The following DUSP16 variants were observed in gnomAD, a reference collection of about 807,000 sequenced individuals.
DUSP16 encodes the protein dual specificity protein phosphatase 16.
A neutral mutation model predicts 58.3 loss-of-function variants in DUSP16; 21 were observed. The ratio of observed to expected loss-of-function variants is 0.36; its 90% CI spans 0.26 to 0.52. The LOEUF (loss-of-function observed/expected upper bound fraction) is 0.52. Among genes scored for constraint, DUSP16 ranks in the 20% least tolerant of loss-of-function variants. The pLI, the probability that DUSP16 is intolerant of heterozygous loss-of-function variation, is 0.94. For missense variants in DUSP16, 726 were observed against 819.0 expected (o/e 0.89, Z 1.39); for synonymous variants, 320 against 323.8 (o/e 0.99, Z 0.12).
At chr12:12,523,678 C>T (rs1944265328) in intron 1 of DUSP16, among the ~76,000 whole-genome samples, 1 of 152,132 alleles carries the variant, frequency 6.6e-6, no homozygotes, top group South Asian at 2.1e-4. Context: ...CTAGTCAATC[C>T]ACTAATAAAC....
At chr12:12,558,676 G>A (rs1391124114) in intron 1 of DUSP16, among the ~76,000 whole-genome samples, 1 of 152,026 alleles carries the variant, frequency 6.6e-6, no homozygotes, top group East Asian at 1.9e-4. Flanking sequence ...CACCACGCCT[G>A]GCCTACATTT....
intron 3 of DUSP16, among the ~76,000 whole-genome samples, chr12:12,518,012 A>G (rs1037105394): frequency 8.5e-5 from 13 of 152,218 alleles, no homozygotes; most frequent in Non-Finnish European, 1.8e-4. Context: ...TTCCCAGGTA[A>G]CAAAGGAATG....
At chr12:12,485,786 CTTTTTTTTT>C (rs749939375) in intron 5 of DUSP16, among the ~76,000 whole-genome samples, 26,994 of 108,282 alleles carry the variant, frequency 0.25, 3,199 homozygotes, top group Admixed American at 0.33. Context: ...GCCAATTCCA[CTTTTTTTTT>C]TTTTTTTTTT....
intron 1 of DUSP16, among the ~76,000 whole-genome samples, chr12:12,559,382 A>G (rs920281283): frequency 6.6e-5 from 10 of 152,308 alleles, no homozygotes; most frequent in East Asian, 3.8e-4. Context: ...AATCTGTCAT[A>G]AAATCTGTTT....
intron 1 of DUSP16, among the ~76,000 whole-genome samples, chr12:12,557,601 A>G (rs190602615): frequency 7.2e-5 from 11 of 152,332 alleles, no homozygotes; most frequent in African/African-American, 2.4e-4. Flanking sequence ...CTGCACATGA[A>G]TATTAAAAAG....
intron 1 of DUSP16, among the ~76,000 whole-genome samples, chr12:12,557,713 A>G (rs1944830051): frequency 6.6e-6 from 1 of 152,148 alleles, no homozygotes; most frequent in South Asian, 2.1e-4. Context: ...ACTACCGACC[A>G]CTATTTAACA....
At chr12:12,490,341 AT>A (rs1268654984) in intron 4 of DUSP16, among the ~76,000 whole-genome samples, 8 of 152,178 alleles carry the variant, frequency 5.3e-5, no homozygotes, top group Admixed American at 2.0e-4. Context: ...CTACCTGAAA[AT>A]TTTTTTGGAA....
At chr12:12,510,878 T>C (rs11613385) in intron 3 of DUSP16, among the ~76,000 whole-genome samples, 82,657 of 151,774 alleles carry the variant, frequency 0.54, 22,846 homozygotes, top group East Asian at 0.71. Flanking sequence ...AGGCCCAGGG[T>C]GCATGATGTC....
intron 4 of DUSP16, among the ~76,000 whole-genome samples, chr12:12,491,930 C>G (rs536116161): frequency 6.6e-6 from 1 of 152,186 alleles, no homozygotes; most frequent in South Asian, 2.1e-4. Context: ...TTTTCTCTGT[C>G]CTTCATCCCC....
chr12:12,540,480 G>T (rs923612087), intron 1 of DUSP16, among the ~76,000 whole-genome samples: 12 of 152,182 alleles, frequency 7.9e-5, no homozygotes, highest in African/African-American at 2.9e-4. Flanking sequence ...GGTCTAACTT[G>T]TGCTTCCTTC....
chr12:12,507,669 G>C (rs1287165356), intron 3 of DUSP16, among the ~76,000 whole-genome samples: 2 of 152,288 alleles, frequency 1.3e-5, no homozygotes, highest in Admixed American at 1.3e-4. Flanking sequence ...GAGTGCAATG[G>C]TGCGATCTCC....
chr12:12,494,296 A>G (rs1943799802), intron 4 of DUSP16, among the ~76,000 whole-genome samples: 1 of 152,206 alleles, frequency 6.6e-6, no homozygotes, highest in South Asian at 2.1e-4. Flanking sequence ...TTAATGTTTA[A>G]GGACATGTAC....
chr12:12,541,869 A>C (rs182462484), intron 1 of DUSP16, among the ~76,000 whole-genome samples: 1 of 152,176 alleles, frequency 6.6e-6, no homozygotes, highest in Non-Finnish European at 1.5e-5. Flanking sequence ...TTGTATAAAA[A>C]TGTTCACAGC....
At chr12:12,507,346 T>C (rs1246617834) in intron 3 of DUSP16, among the ~76,000 whole-genome samples, 1 of 152,122 alleles carries the variant, frequency 6.6e-6, no homozygotes, top group Non-Finnish European at 1.5e-5. Flanking sequence ...ACTCATGCCT[T>C]CATTTAAATA....
intron 1 of DUSP16, among the ~76,000 whole-genome samples, chr12:12,543,361 T>C (rs1280390941): frequency 1.3e-5 from 2 of 152,190 alleles, no homozygotes; most frequent in African/African-American, 2.4e-5. Context: ...TATATAAATA[T>C]GAAGAGAGAG....
At chr12:12,478,903 A>C (rs1943510296) in intron 6 of DUSP16, among the ~76,000 whole-genome samples, 1 of 152,244 alleles carries the variant, frequency 6.6e-6, no homozygotes, top group Admixed American at 6.5e-5. Flanking sequence ...CTGTGTGCTA[A>C]GCACTGTGCT....
intron 4 of DUSP16, among the ~76,000 whole-genome samples, chr12:12,499,699 A>G (rs891649816): frequency 6.6e-6 from 1 of 152,186 alleles, no homozygotes; most frequent in African/African-American, 2.4e-5. Flanking sequence ...TAAATCACCA[A>G]TAGTTGAATT....
chr12:12,521,111 T>C lies in DUSP16; in HGVS notation c.-13A>G, dbSNP rs543790502. The stretch of plus-strand genomic sequence containing the variant: ...TCTCATGGGCCATGACAACAATAAG[T>C]CCTCTTTTCCCACCTCCTTCTTTAA... On this transcript the variant is annotated 5_prime_UTR_variant, in exon 2 of 7. Transcript: ENST00000298573. The C allele has an allele frequency of 6.2e-7, 1 of 1,612,802 alleles. No individual in the cohort carries two copies. Among genetic ancestry groups the C allele is most frequent in the Non-Finnish European group, 8.5e-7 (1 of 1,179,300 alleles).
rs1348115878 is a variant in DUSP16, at chr12:12,475,269, CAA to C, written c.*1562_*1563del. 7.0e-6 allele frequency: 1 copy of C among 143,842 alleles called. No homozygotes were observed. The highest frequency in any genetic ancestry group is 1.5e-5 in the Non-Finnish European group (1 of 65,426). The allele number at this position is 143,842 out of a possible 1,614,324, so 8.9% of individuals were successfully genotyped here. A position where few individuals can be genotyped will look rare whatever the true frequency, so the allele number is the denominator to read the frequency against. ...AAGCTGCTGTTGTGAATTAAGGCTT[CAA>C]AAGAGGACCCACATTGTAGCTGATA... On this transcript the variant is annotated 3_prime_UTR_variant, in exon 7 of 7. Coordinates refer to ENST00000298573, the MANE Select transcript of DUSP16 (RefSeq NM_030640.3).
Sources: allele counts gnomAD v4.1 joint callset (sites outside exome capture counted in the v4.1 genomes callset), GRCh38; gene constraint gnomAD v4.1.1; transcripts MANE v1.5; gene names NCBI Gene and HGNC (gene_info 2026-07-23, HGNC 2026-07-21).